Variants in RBL1 observed in about 807,000 individuals in gnomAD.
RBL1 encodes the protein retinoblastoma-like protein 1.
A neutral mutation model predicts 123.0 loss-of-function variants in RBL1; 82 were observed. That is an observed-to-expected ratio of 0.67 (90% CI 0.56 to 0.80). The LOEUF (loss-of-function observed/expected upper bound fraction) is 0.80. RBL1 is among the 30% of genes least tolerant of loss of function. The probability of loss-of-function intolerance (pLI) is 0.00; values close to 1 mark genes in which losing one functional copy is unlikely to be tolerated. For missense variants in RBL1, 1,171 were observed against 1,299.6 expected, an observed-to-expected ratio of 0.90 and a Z score of 1.52; for synonymous variants, 405 against 441.3, an observed-to-expected ratio of 0.92 and a Z score of 1.03.
chr20:37,015,621 G>A (rs1390612168), intron 19 of RBL1, among the ~76,000 whole-genome samples: 2 of 152,110 alleles, frequency 1.3e-5, no homozygotes, highest in African/African-American at 2.4e-5. Flanking sequence ...TAGTGGAGAC[G>A]AGGTTTCACC....
rs1292221462 is a variant in RBL1 at position 37,095,788 on chromosome 20, G to C, written c.141C>G (p.Gly47=). Residue 47 remains glycine, a synonymous_variant, in exon 1 of 22, where the codon GGC becomes GGG. Coordinates refer to ENST00000373664, the MANE Select transcript of RBL1 (RefSeq NM_002895.5). ...TGCCGCTCACCTCTAGGCTGTAGTT[G>C]CCTCGGATGGCAGTAAAGTCGTCCA... ...EALDDFTAIR[G]NYSLEGEVTH... 7 of 1,609,058 alleles carry C rather than the reference G, an allele frequency of 4.4e-6. No homozygotes were observed. In the East Asian group the frequency reaches 1.1e-4, roughly 26 times the overall value.
At chr20:37,054,316 C>G (rs1024876115) in intron 11 of RBL1, among the ~76,000 whole-genome samples, 1 of 151,720 alleles carries the variant, frequency 6.6e-6, no homozygotes, top group African/African-American at 2.4e-5. Context: ...AGCCCCGTCT[C>G]TACTAAAAAT....
chr20:37,068,308 T>G, intron 2 of RBL1, 122 bp from the exon 3 acceptor site: 1 of 1,356,138 alleles, frequency 7.4e-7, no homozygotes, highest in Non-Finnish European at 9.8e-7. Context: ...CCAGGCAACA[T>G]AGTTAAGACC....
At chr20:37,077,094 G>A (rs575510247) in intron 2 of RBL1, among the ~76,000 whole-genome samples, 9 of 152,120 alleles carry the variant, frequency 5.9e-5, no homozygotes, top group African/African-American at 2.2e-4. Context: ...CTGCCACCAA[G>A]CTCGGCTAAT....
intron 9 of RBL1, 77 bp downstream of exon 9, chr20:37,061,026 G>C (rs895060479): frequency 2.9e-6 from 4 of 1,384,034 alleles, no homozygotes; most frequent in East Asian, 5.1e-5. Context: ...TGAGAATTCT[G>C]AATATACTAA....
chr20:37,075,726 G>A (rs994699002), intron 2 of RBL1, among the ~76,000 whole-genome samples: 3 of 152,120 alleles, frequency 2.0e-5, no homozygotes, highest in African/African-American at 7.2e-5. Flanking sequence ...AAAGTGCTGG[G>A]ATTACAGGTG....
At chr20:37,054,312 G>A (rs2064968134) in intron 11 of RBL1, among the ~76,000 whole-genome samples, 1 of 151,822 alleles carries the variant, frequency 6.6e-6, no homozygotes, top group African/African-American at 2.4e-5. Context: ...GTGAAGCCCC[G>A]TCTCTACTAA....
rs1028295115 is a variant in RBL1 at position 37,086,820 on chromosome 20, G to A, written c.290+2169C>T. ...TCTGAGACCCATAGAGTAGCTGCAA[G>A]GTGAAAAAAATTAATATACAGTAGA... On this transcript the variant is annotated intron_variant, in intron 2 of 21. Transcript: ENST00000373664. Among the ~76,000 whole-genome samples the A allele has an allele frequency of 2.6e-5, 4 of 152,096 alleles. No homozygotes were observed. In the South Asian group the frequency reaches 6.2e-4, roughly 24 times the overall value.
intron 11 of RBL1, among the ~76,000 whole-genome samples, chr20:37,051,112 T>C (rs2064904249): frequency 6.6e-6 from 1 of 152,108 alleles, no homozygotes; most frequent in Non-Finnish European, 1.5e-5. Flanking sequence ...ATACATACAA[T>C]ACACAGTATA....
intron 2 of RBL1, among the ~76,000 whole-genome samples, chr20:37,080,047 A>G (rs558346482): frequency 1.3e-3 from 196 of 151,122 alleles, no homozygotes; most frequent in Non-Finnish European, 2.4e-3. Flanking sequence ...GTATGCTATA[A>G]TTTTGATAGA....
intron 12 of RBL1, among the ~76,000 whole-genome samples, chr20:37,044,702 TAACA>T (rs1331191032): frequency 1.3e-5 from 2 of 152,234 alleles, no homozygotes; most frequent in African/African-American, 4.8e-5. Context: ...TGTGGCTTAC[TAACA>T]TCTTCTAATT....
At chr20:37,085,647 A>ATTTTTTTTTTTTT (rs1202673380) in intron 2 of RBL1, among the ~76,000 whole-genome samples, 5 of 84,606 alleles carry the variant, frequency 5.9e-5, no homozygotes, top group Non-Finnish European at 8.6e-5. Context: ...TTGAAATTTG[A>ATTTTTTTTTTTTT]TTTTTTTTTT....
intron 9 of RBL1, among the ~76,000 whole-genome samples, chr20:37,060,320 G>A (rs1371365212): frequency 6.6e-6 from 1 of 151,802 alleles, no homozygotes; most frequent in Non-Finnish European, 1.5e-5. Flanking sequence ...GTGATCTTTA[G>A]AAACAAACAA....
At chr20:37,041,615 A>G (rs374498386) in intron 13 of RBL1, among the ~76,000 whole-genome samples, 1 of 152,090 alleles carries the variant, frequency 6.6e-6, no homozygotes, top group Non-Finnish European at 1.5e-5. Context: ...GAGCCACTGC[A>G]CCAGCCTCTG....
At chr20:37,010,799 C>T (rs2064137788) in intron 19 of RBL1, among the ~76,000 whole-genome samples, 1 of 151,870 alleles carries the variant, frequency 6.6e-6, no homozygotes, top group African/African-American at 2.4e-5. Context: ...TCCACACATA[C>T]ATACATATAC....
chr20:37,081,209 C>G (rs1450551985), intron 2 of RBL1, among the ~76,000 whole-genome samples: 1 of 152,158 alleles, frequency 6.6e-6, no homozygotes, highest in African/African-American at 2.4e-5. Flanking sequence ...AATATTCCCC[C>G]CTCCATGAGA....
At chr20:37,076,454 G>A (rs1010339632) in intron 2 of RBL1, among the ~76,000 whole-genome samples, 2 of 152,122 alleles carry the variant, frequency 1.3e-5, no homozygotes, top group African/African-American at 2.4e-5. Context: ...TCTGATAACT[G>A]AGAGGGCCAC....
chr20:37,020,300 G>A (rs1232284284), intron 18 of RBL1, among the ~76,000 whole-genome samples: 1 of 151,964 alleles, frequency 6.6e-6, no homozygotes, highest in African/African-American at 2.4e-5. Context: ...TATTGGCCAG[G>A]CTGGTCTCGA....
chr20:37,003,625 G>GAAAA, intron 21 of RBL1, 77 bp downstream of exon 21: 1 of 1,150,942 alleles, frequency 8.7e-7, no homozygotes. Flanking sequence ...GGCCAAAAAA[G>GAAAA]AAAAAAAAAA....
Sources: gnomAD v4.1 joint callset for allele counts (sites outside exome capture counted in the v4.1 genomes callset) on GRCh38, gnomAD v4.1.1 for gene constraint, MANE v1.5 for transcripts, NCBI Gene and HGNC (gene_info 2026-07-23, HGNC 2026-07-21) for gene names.